SLC12A2: variants seen among roughly 807,000 people sequenced by gnomAD.
SLC12A2 encodes Na-K-2Cl cotransporter 1.
A neutral mutation model predicts 136.3 loss-of-function variants in SLC12A2; 67 were observed. That is an observed-to-expected ratio of 0.49 (90% CI 0.40 to 0.60). SLC12A2 has a LOEUF of 0.60. SLC12A2 is among the 20% of genes least tolerant of loss of function. The pLI is 0.00. For missense variants in SLC12A2, 1,322 were observed against 1,534.7 expected (o/e 0.86, Z 2.32); for synonymous variants, 619 against 562.9 (o/e 1.10, Z -1.41).
chr5:128,131,324 A>G (rs956170043), intron 5 of SLC12A2, 118 bp downstream of exon 5: 1 of 1,051,698 alleles, frequency 9.5e-7, no homozygotes, highest in Admixed American at 2.0e-5. Flanking sequence ...TTCGTCCTTC[A>G]TAAAGTTTAC....
chr5:128,123,859 C>G (rs868484505), intron 4 of SLC12A2, among the ~76,000 whole-genome samples: 54 of 152,230 alleles, frequency 3.5e-4, no homozygotes, highest in African/African-American at 1.2e-3. Flanking sequence ...AAACCTTTCC[C>G]TAGCCTGGGG....
chr5:128,089,139 G>A (rs1483028318), intron 1 of SLC12A2, among the ~76,000 whole-genome samples: 4 of 146,116 alleles, frequency 2.7e-5, no homozygotes, highest in South Asian at 4.4e-4. Flanking sequence ...TTGCACTCCA[G>A]CCTGGGCAAC....
intron 4 of SLC12A2, among the ~76,000 whole-genome samples, chr5:128,122,760 T>A (rs902032248): frequency 6.6e-6 from 1 of 152,144 alleles, no homozygotes; most frequent in Non-Finnish European, 1.5e-5. Flanking sequence ...TATCATTGAT[T>A]GTCAAATTTT....
At chr5:128,182,329 T>C (rs188099787) in intron 23 of SLC12A2, among the ~76,000 whole-genome samples, 80 of 152,280 alleles carry the variant, frequency 5.3e-4, no homozygotes, top group Non-Finnish European at 8.2e-4. Flanking sequence ...AGGTATTTAC[T>C]GGAAAATCAG....
At chr5:128,136,354 A>G (rs1762192974) in intron 7 of SLC12A2, among the ~76,000 whole-genome samples, 1 of 152,098 alleles carries the variant, frequency 6.6e-6, no homozygotes, top group Non-Finnish European at 1.5e-5. Flanking sequence ...TGGAGGGTGC[A>G]TGATGCAGTT....
intron 15 of SLC12A2, among the ~76,000 whole-genome samples, chr5:128,156,118 G>A (rs899704675): frequency 1.3e-5 from 2 of 152,142 alleles, no homozygotes; most frequent in South Asian, 2.1e-4. Flanking sequence ...GTTACTTCTT[G>A]TGTAAACTTT....
intron 2 of SLC12A2, among the ~76,000 whole-genome samples, chr5:128,113,207 C>T (rs1017194510): frequency 3.3e-5 from 5 of 152,134 alleles, no homozygotes; most frequent in African/African-American, 9.7e-5. Context: ...TTCATTGCCT[C>T]TTGTGAATCT....
chr5:128,135,267 A>T (rs778385413), intron 6 of SLC12A2, among the ~76,000 whole-genome samples: 15 of 152,046 alleles, frequency 9.9e-5, no homozygotes, highest in Non-Finnish European at 2.2e-4. Flanking sequence ...TAGCAATCAC[A>T]CACTCAACAT....
chr5:128,186,758 T>G lies in SLC12A2; in HGVS notation c.*127T>G. 1 of 1,043,854 alleles carries G rather than the reference T, an allele frequency of 9.6e-7. No homozygotes were observed. Among genetic ancestry groups the G allele is most frequent in the Non-Finnish European group, 1.4e-6 (1 of 715,054 alleles). The allele number at this position is 1,043,854 out of a possible 1,614,324, so 64.7% of individuals were successfully genotyped here. On this transcript the variant is annotated 3_prime_UTR_variant, in exon 27 of 27. Coordinates refer to ENST00000262461, the MANE Select transcript of SLC12A2 (RefSeq NM_001046.3). ...CTTTTCTTTCACGATTTCATTAATT[T>G]GAAAGCACACAGGAAAGTTGCTCCA...
At chr5:128,176,879 A>G (rs1763557560) in intron 20 of SLC12A2, among the ~76,000 whole-genome samples, 1 of 152,088 alleles carries the variant, frequency 6.6e-6, no homozygotes, top group African/African-American at 2.4e-5. Context: ...CAGAAATTAA[A>G]TTTAGGGGTG....
chr5:128,109,688 G>A, intron 1 of SLC12A2: 2 of 1,135,672 alleles, frequency 1.8e-6, no homozygotes, highest in African/African-American at 1.6e-5. Flanking sequence ...AGGCGAAAAA[G>A]TCTTCCAGGT....
At chr5:128,174,002 G>A (rs974775164) in intron 19 of SLC12A2, among the ~76,000 whole-genome samples, 4 of 152,006 alleles carry the variant, frequency 2.6e-5, no homozygotes, top group Admixed American at 1.3e-4. Context: ...GTCATCTTAC[G>A]TATCTATGGA....
In SLC12A2 at chr5:128,141,836, G is replaced by A. The variant is rs903487593; in HGVS notation, c.1628G>A (p.Cys543Tyr). 1 of 1,612,316 alleles carries A rather than the reference G, an allele frequency of 6.2e-7. No individual in the cohort carries two copies. The highest frequency in any genetic ancestry group is 8.5e-7 in the Non-Finnish European group (1 of 1,179,032). Residue 543 changes from cysteine (C) to tyrosine (Y), a missense_variant, in exon 10 of 27, where the codon TGT becomes TAT. By Grantham distance (194) the Cys-to-Tyr change is radical. Transcript: ENST00000262461. ...YVGIAVSVGS[C>Y]VVRDATGNVN... is the part of the protein sequence containing the mutation. ...GTTGTCACTTGTGCTTTAGGTTCTT[G>A]TGTTGTTCGAGATGCCACTGGAAAC... is the stretch of plus-strand genomic sequence containing the variant.
At chr5:128,101,677 G>A (rs1561657044) in intron 1 of SLC12A2, among the ~76,000 whole-genome samples, 1 of 152,144 alleles carries the variant, frequency 6.6e-6, no homozygotes, top group Non-Finnish European at 1.5e-5. Context: ...TCTGTTCTCA[G>A]ACTAGGCAAT....
At chr5:128,122,367 G>A (rs1761615720) in intron 4 of SLC12A2, among the ~76,000 whole-genome samples, 2 of 152,158 alleles carry the variant, frequency 1.3e-5, no homozygotes, top group Admixed American at 1.3e-4. Context: ...CTATGTTATT[G>A]GAGTTTACAT....
At chr5:128,167,895 A>G (rs747534981) in intron 18 of SLC12A2, 28 bp downstream of exon 18, 9 of 1,294,192 alleles carry the variant, frequency 7.0e-6, no homozygotes, top group Non-Finnish European at 9.6e-6. Context: ...TCAATAATTT[A>G]GTTCATTTAG....
At chr5:128,122,584 C>T (rs957582936) in intron 4 of SLC12A2, among the ~76,000 whole-genome samples, 7 of 152,062 alleles carry the variant, frequency 4.6e-5, no homozygotes, top group African/African-American at 1.7e-4. Flanking sequence ...TTTAGAATGT[C>T]TACATAAGTC....
In SLC12A2 at chr5:128,102,560, A is replaced by G. The variant is rs576423908; in HGVS notation, c.757-10254A>G. Among the ~76,000 whole-genome samples, 5 of 69,132 alleles carry G rather than the reference A, an allele frequency of 7.2e-5. No homozygotes were observed. In the South Asian group the frequency reaches 2.5e-3, roughly 34 times the overall value. 45.4% of individuals were successfully genotyped at this position (69,132 alleles called of 152,430 possible). On this transcript the variant is annotated intron_variant, in intron 1 of 26. Transcript: ENST00000262461. ...CACTCTTAGTTTGTAACACTCATTTATACTGTGTCTTTCTGTAATTCACCC... is the reference window on the plus strand; with the variant it reads ...CACTCTTAGTTTGTAACACTCATTTGTACTGTGTCTTTCTGTAATTCACCC...
At chr5:128,144,710 C>T (rs905760668) in intron 10 of SLC12A2, among the ~76,000 whole-genome samples, 2 of 152,040 alleles carry the variant, frequency 1.3e-5, no homozygotes, top group Non-Finnish European at 2.9e-5. Context: ...CACATGCATA[C>T]CCTACTCTTT....
Sources: gnomAD v4.1 joint callset for allele counts (sites outside exome capture counted in the v4.1 genomes callset) on GRCh38, gnomAD v4.1.1 for gene constraint, MANE v1.5 for transcripts, NCBI Gene and HGNC (gene_info 2026-07-23, HGNC 2026-07-21) for gene names.